The following SEMA3C variants were observed in gnomAD, a reference collection of about 807,000 sequenced individuals.
SEMA3C encodes the protein semaphorin 3C, also known as semaphorin-3C.
A neutral mutation model predicts 89.4 loss-of-function variants in SEMA3C; 47 were observed. The observed-to-expected ratio is 0.53, with a 90% confidence interval of 0.42 to 0.67. The LOEUF is 0.67. SEMA3C is among the 30% of genes least tolerant of loss of function. The probability of loss-of-function intolerance (pLI) is 0.00; values close to 1 mark genes in which losing one functional copy is unlikely to be tolerated. For missense variants in SEMA3C, 839 were observed against 929.1 expected, an observed-to-expected ratio of 0.90 and a Z score of 1.26; for synonymous variants, 310 against 320.2, an observed-to-expected ratio of 0.97 and a Z score of 0.34.
At chr7:80,895,661 G>T (rs1024104826) in intron 2 of SEMA3C, among the ~76,000 whole-genome samples, 1 of 151,910 alleles carries the variant, frequency 6.6e-6, no homozygotes, top group African/African-American at 2.4e-5. Flanking sequence ...AACATAAAAG[G>T]GTCTCAGGAA....
intron 4 of SEMA3C, among the ~76,000 whole-genome samples, chr7:80,820,889 G>A (rs1228407102): frequency 2.0e-5 from 3 of 152,048 alleles, no homozygotes; most frequent in Non-Finnish European, 4.4e-5. Flanking sequence ...TTCCCCATAA[G>A]ATATAAATAA....
chr7:80,917,889 G>A (rs1792314657), intron 1 of SEMA3C, among the ~76,000 whole-genome samples: 1 of 152,130 alleles, frequency 6.6e-6, no homozygotes, highest in Non-Finnish European at 1.5e-5. Context: ...ACTAACAACT[G>A]AAAAAGACAG....
intron 6 of SEMA3C, among the ~76,000 whole-genome samples, chr7:80,809,675 C>T (rs1430573754): frequency 1.3e-5 from 2 of 152,040 alleles, no homozygotes; most frequent in Non-Finnish European, 1.5e-5. Flanking sequence ...CAGCATTATT[C>T]ACAAAAGCTA....
At chr7:80,865,729 G>C (rs1790911468) in intron 2 of SEMA3C, among the ~76,000 whole-genome samples, 1 of 152,044 alleles carries the variant, frequency 6.6e-6, no homozygotes, top group Non-Finnish European at 1.5e-5. Context: ...CGGGAGGGGG[G>C]GTTACAGTGA....
At chr7:80,760,463 G>A (rs1788159880) in intron 14 of SEMA3C, among the ~76,000 whole-genome samples, 1 of 152,058 alleles carries the variant, frequency 6.6e-6, no homozygotes, top group Non-Finnish European at 1.5e-5. Flanking sequence ...ATGGCTTCTC[G>A]TTACTTGGGA....
intron 12 of SEMA3C, among the ~76,000 whole-genome samples, chr7:80,780,185 G>A (rs1429417536): frequency 6.6e-6 from 1 of 152,132 alleles, no homozygotes; most frequent in Non-Finnish European, 1.5e-5. Flanking sequence ...TATGTATCAG[G>A]CAGCCACTCC....
chr7:80,830,735 C>A (rs1465903213), intron 2 of SEMA3C, among the ~76,000 whole-genome samples: 1 of 152,138 alleles, frequency 6.6e-6, no homozygotes, highest in Non-Finnish European at 1.5e-5. Flanking sequence ...GCCTGATAAC[C>A]TTCCAGTTAC....
chr7:80,786,878 TG>T (rs1483843001), intron 12 of SEMA3C, among the ~76,000 whole-genome samples: 1 of 152,220 alleles, frequency 6.6e-6, no homozygotes, highest in Admixed American at 6.5e-5. Context: ...TTGGATTAAC[TG>T]CTCGGTGGAG....
intron 2 of SEMA3C, among the ~76,000 whole-genome samples, chr7:80,877,737 T>C (rs1791233717): frequency 1.3e-5 from 2 of 152,204 alleles, no homozygotes; most frequent in Admixed American, 1.3e-4. Context: ...TAGTCTTTGG[T>C]TATGCAGTGG....
chr7:80,790,653 C>A lies in SEMA3C; in HGVS notation c.1132-1125G>T, dbSNP rs144587354. Among the ~76,000 whole-genome samples, 480 of 152,284 alleles carry A rather than the reference C, an allele frequency of 3.2e-3. 13 individuals carry two copies. In the South Asian group the frequency reaches 0.036, roughly 12 times the overall value. On this transcript the variant is annotated intron_variant, in intron 11 of 17. Coordinates refer to ENST00000265361, the MANE Select transcript of SEMA3C (RefSeq NM_006379.5). ...CATTTCTGTTACCTCACATTCAGTT[C>A]TCAGTTCAAAAGTTGCTTCTTGAAA...
intron 2 of SEMA3C, among the ~76,000 whole-genome samples, chr7:80,844,715 G>A (rs1187537510): frequency 1.3e-5 from 2 of 152,060 alleles, no homozygotes; most frequent in East Asian, 3.9e-4. Flanking sequence ...AGTAAAAATG[G>A]CCAGTGGGAG....
chr7:80,773,951 T>A (rs1788490359), intron 12 of SEMA3C, among the ~76,000 whole-genome samples: 1 of 152,178 alleles, frequency 6.6e-6, no homozygotes, highest in African/African-American at 2.4e-5. Context: ...CTCAGTCAGA[T>A]CTCATTAACA....
intron 13 of SEMA3C, 119 bp from the exon 14 acceptor site, chr7:80,761,776 CT>C: frequency 1.8e-6 from 1 of 561,532 alleles, no homozygotes; most frequent in Non-Finnish European, 3.2e-6. Flanking sequence ...TATACATCTA[CT>C]TTAAAATTAC....
chr7:80,793,423 A>G, intron 11 of SEMA3C: 2 of 416,096 alleles, frequency 4.8e-6, no homozygotes, highest in Middle Eastern at 3.7e-4. Flanking sequence ...ATTTTATCCA[A>G]AAAGCACTTT....
At chr7:80,906,409 C>T (rs1252410837) in intron 2 of SEMA3C, among the ~76,000 whole-genome samples, 1 of 152,156 alleles carries the variant, frequency 6.6e-6, no homozygotes, top group Admixed American at 6.5e-5. Context: ...AATGACACAT[C>T]TTAACTCTCG....
chr7:80,786,707 T>C lies in SEMA3C; in HGVS notation c.1354+2599A>G, dbSNP rs75535273. 5.7e-3 allele frequency among the ~76,000 whole-genome samples: 863 copies of C among 152,320 alleles called. 36 individuals carry two copies. In the East Asian group the frequency reaches 0.1, roughly 18 times the overall value. On this transcript the variant is annotated intron_variant, in intron 12 of 17. Transcript: ENST00000265361. ...TTTTACAGTCACATTTATGAATTCA[T>C]ATTACACGAGTAACAATGGACATAG... is the stretch of plus-strand genomic sequence containing the variant.
At chr7:80,919,262 CG>C (rs1169807197), upstream of SEMA3C, 1 of 984,872 alleles carries the variant, frequency 1.0e-6, no homozygotes, top group African/African-American at 1.7e-5. Flanking sequence ...CGGGCGGGGC[CG>C]ACCCTTAGAG....
intron 14 of SEMA3C, among the ~76,000 whole-genome samples, chr7:80,758,835 A>G (rs1374808092): frequency 6.6e-6 from 1 of 152,276 alleles, no homozygotes; most frequent in East Asian, 1.9e-4. Flanking sequence ...TTAGCAAAGC[A>G]CAAGGAAGCA....
intron 2 of SEMA3C, among the ~76,000 whole-genome samples, chr7:80,840,313 A>T (rs1451431541): frequency 2.0e-5 from 3 of 152,070 alleles, no homozygotes; most frequent in African/African-American, 7.2e-5. Flanking sequence ...TGACCCCAGG[A>T]ATTAGAGACT....
Sources: allele counts gnomAD v4.1 joint callset (sites outside exome capture counted in the v4.1 genomes callset), GRCh38; gene constraint gnomAD v4.1.1; transcripts MANE v1.5; gene names NCBI Gene and HGNC (gene_info 2026-07-23, HGNC 2026-07-21).